The following SSH1 variants were observed in gnomAD, a reference collection of about 807,000 sequenced individuals.
SSH1 encodes the protein slingshot protein phosphatase 1.
A neutral mutation model predicts 79.7 loss-of-function variants in SSH1; 43 were observed. The ratio of observed to expected loss-of-function variants is 0.54; its 90% CI spans 0.42 to 0.70. SSH1 has a LOEUF of 0.70. SSH1 is among the 30% of genes least tolerant of loss of function. The pLI, the probability that SSH1 is intolerant of heterozygous loss-of-function variation, is 0.00. For missense variants in SSH1, 1,206 were observed against 1,358.8 expected, an observed-to-expected ratio of 0.89 and a Z score of 1.77; for synonymous variants, 599 against 538.3, an observed-to-expected ratio of 1.11 and a Z score of -1.56.
intron 2 of SSH1, among the ~76,000 whole-genome samples, chr12:108,836,327 A>C (rs1345903682): frequency 2.6e-5 from 4 of 152,164 alleles, no homozygotes; most frequent in African/African-American, 9.7e-5. Context: ...TGTGGTTAGC[A>C]ACACCCCAAC....
At chr12:108,856,661 G>A (rs987429437) in intron 1 of SSH1, among the ~76,000 whole-genome samples, 4 of 152,186 alleles carry the variant, frequency 2.6e-5, no homozygotes, top group African/African-American at 7.2e-5. Flanking sequence ...AACTCCAGAG[G>A]CGGCAGGCGG....
In SSH1 at chr12:108,781,631, T is replaced by G. The variant is rs1476344643; in HGVS notation, c.*6357A>C. 6.6e-6 allele frequency: 1 copy of G among 152,200 alleles called. No homozygotes were observed. The highest frequency in any genetic ancestry group is 2.4e-5 in the African/African-American group (1 of 41,460). 9.4% of individuals were successfully genotyped at this position (152,200 alleles called of 1,614,324 possible). A position where few individuals can be genotyped will look rare whatever the true frequency, so the allele number is the denominator to read the frequency against. The stretch of plus-strand genomic sequence containing the variant: ...GGTCACGCCCAGGTACTTGTGACAG[T>G]TAGTGCTCACCAAATACATGTGCCC... On this transcript the variant is annotated 3_prime_UTR_variant, in exon 15 of 15. Coordinates refer to ENST00000326495, the MANE Select transcript of SSH1 (RefSeq NM_018984.4).
chr12:108,854,122 T>C lies in SSH1; in HGVS notation c.70-1444A>G, dbSNP rs2039098915. Among the ~76,000 whole-genome samples, 4 of 152,194 alleles carry C rather than the reference T, an allele frequency of 2.6e-5. No homozygotes were observed. The South Asian group carries it at 8.3e-4, about 32-fold the overall frequency. ...GTATGTTGGGGTCTAACCCAGTGGT[T>C]CTCAATGCGGAGCAAGTTCTCTCAA... On this transcript the variant is annotated intron_variant, in intron 1 of 14. Transcript: ENST00000326495.
In SSH1 at chr12:108,818,229, A is replaced by G. The variant is rs982400833; in HGVS notation, c.279+20T>C. The stretch of plus-strand genomic sequence containing the variant: ...AATTAAAAAAAAATTTTTTAACTTG[A>G]CATTCTCACTGCTTCTTACCAGCTT... On this transcript the variant is annotated intron_variant, in intron 4 of 14. Transcript: ENST00000326495. 1 of 1,612,402 alleles carries G rather than the reference A, an allele frequency of 6.2e-7. No individual in the cohort carries two copies. The highest frequency in any genetic ancestry group is 1.3e-5 in the African/African-American group (1 of 74,892).
intron 2 of SSH1, among the ~76,000 whole-genome samples, chr12:108,842,490 G>C (rs1262492936): frequency 6.6e-6 from 1 of 152,208 alleles, no homozygotes; most frequent in African/African-American, 2.4e-5. Context: ...AAAGTTCCAA[G>C]CCCAGAGCCT....
In SSH1 at chr12:108,789,005, A is replaced by G; in HGVS notation, c.2133T>C (p.Pro711=). 1.2e-6 allele frequency: 2 copies of G among 1,608,164 alleles called. No homozygotes were observed. The highest frequency in any genetic ancestry group is 1.7e-6 in the Non-Finnish European group (2 of 1,176,582). The change falls in exon 15 of 15, where the codon CCT becomes CCC. Residue 711 remains proline, a synonymous_variant. Coordinates refer to ENST00000326495, the MANE Select transcript of SSH1 (RefSeq NM_018984.4). ...AGCCTGCTGGTGGTAGGAACGGGGG[A>G]GGTTCGGTTGGGCCAGAGGCTGGCT... ...PEKPASGPTE[P]PPFLPPAGSR...
At chr12:108,837,641 A>G (rs1369803765) in intron 2 of SSH1, among the ~76,000 whole-genome samples, 2 of 152,230 alleles carry the variant, frequency 1.3e-5, no homozygotes, top group African/African-American at 2.4e-5. Context: ...AGTATTTTAC[A>G]TATTTATGGA....
intron 13 of SSH1, among the ~76,000 whole-genome samples, chr12:108,797,674 C>T (rs1035727070): frequency 3.9e-5 from 6 of 152,150 alleles, no homozygotes; most frequent in South Asian, 2.1e-4. Flanking sequence ...GGAGGCTGGA[C>T]GAGGCAGAGA....
chr12:108,789,161 C>T lies in SSH1; in HGVS notation c.1977G>A (p.Gly659=). 6.2e-7 allele frequency: 1 copy of T among 1,612,596 alleles called. No individual in the cohort carries two copies. The highest frequency in any genetic ancestry group is 1.1e-5 in the South Asian group (1 of 90,880). ...ATCGCTCCCTGGAGGCCTCAGGAGC[C>T]CCGCTGGCTGTAGGGTACATGCAGT... The part of the protein sequence containing the change: ...CADCMYPTAS[G]APEASRERCE... The change falls in exon 15 of 15, where the codon GGG becomes GGA. Residue 659 remains glycine (G), a synonymous_variant. Transcript: ENST00000326495.
At position 108,792,389 on chromosome 12, in the gene SSH1, C is replaced by T. The variant is rs1360301945; in HGVS notation, c.1790G>A (p.Gly597Glu). ...TGGAAGCTGCCCCCACCTCCCTGCT[C>T]CCAGGCCCTCCTCCCTTTCCGTCTC... is the stretch of plus-strand genomic sequence containing the variant. ...VEETEREEGL[G>E]AGRWGQLPTQ... Residue 597 changes from glycine (G) to glutamate (E), a missense_variant, in exon 14 of 15, where the codon GGA becomes GAA. Gly to Glu is a moderately conservative substitution (Grantham distance 98). Around this residue, in one of 5 missense-constraint regions of SSH1, gnomAD observed 709 missense variants for 730.6 expected, o/e 0.97. Transcript: ENST00000326495. 1 of 1,614,212 alleles carries T rather than the reference C, an allele frequency of 6.2e-7. No individual in the cohort carries two copies. The highest frequency in any genetic ancestry group is 1.1e-5 in the South Asian group (1 of 91,078).
At chr12:108,839,652 T>C (rs1286028653) in intron 2 of SSH1, among the ~76,000 whole-genome samples, 1 of 151,546 alleles carries the variant, frequency 6.6e-6, no homozygotes, top group African/African-American at 2.4e-5. Flanking sequence ...AAAGTCTTTC[T>C]AAAAATAGCT....
At chr12:108,835,953 AATCG>A (rs1430358709) in intron 2 of SSH1, among the ~76,000 whole-genome samples, 3 of 139,702 alleles carry the variant, frequency 2.1e-5, no homozygotes, top group African/African-American at 8.0e-5. Context: ...ATATTAATAT[AATCG>A]ATTATAACTA....
At chr12:108,824,999 T>C (rs970632501) in intron 2 of SSH1, among the ~76,000 whole-genome samples, 18 of 152,214 alleles carry the variant, frequency 1.2e-4, no homozygotes, top group Non-Finnish European at 2.2e-4. Context: ...ATATTAAACA[T>C]ATATTAACCT....
At chr12:108,828,986 A>C (rs549765292) in intron 2 of SSH1, among the ~76,000 whole-genome samples, 1 of 152,310 alleles carries the variant, frequency 6.6e-6, no homozygotes, top group Non-Finnish European at 1.5e-5. Flanking sequence ...TAGAATCACC[A>C]GGGATAGCAT....
intron 5 of SSH1, among the ~76,000 whole-genome samples, chr12:108,811,970 G>C (rs2037629760): frequency 6.6e-6 from 1 of 152,166 alleles, no homozygotes; most frequent in Admixed American, 6.5e-5. Flanking sequence ...CCAGCTCTGT[G>C]GACCTCAGGA....
At chr12:108,800,642 G>T in intron 12 of SSH1, 138 bp downstream of exon 12, 1 of 1,018,176 alleles carries the variant, frequency 9.8e-7, no homozygotes, top group Non-Finnish European at 1.5e-6. Context: ...ACTCCCACCA[G>T]CCAACTCCTG....
Position 108,792,616 on chromosome 12 carries a change from G to A in SSH1, c.1563C>T (p.Ser521=), listed in dbSNP as rs2036558166. The part of the protein sequence containing the change: ...FRRLSDPLLP[S]PEDETGSLVH... ...CCAAGCTGCCAGTTTCATCCTCAGG[G>A]GAAGGCAGAAGGGGGTCTGAGAGTC... Residue 521 remains serine (S), a synonymous_variant, in exon 14 of 15, where the codon TCC becomes TCT. Coordinates refer to ENST00000326495, the MANE Select transcript of SSH1 (RefSeq NM_018984.4). 2 of 1,612,476 alleles carry A rather than the reference G, an allele frequency of 1.2e-6. No homozygotes were observed. Among genetic ancestry groups the A allele is most frequent in the East Asian group, 2.2e-5 (1 of 44,860 alleles).
chr12:108,832,034 TAG>T (rs1566010523), intron 2 of SSH1, among the ~76,000 whole-genome samples: 1 of 152,208 alleles, frequency 6.6e-6, no homozygotes, highest in African/African-American at 2.4e-5. Context: ...TTTCTAGTTA[TAG>T]AGAGTTTGTC....
intron 1 of SSH1, among the ~76,000 whole-genome samples, chr12:108,856,235 G>A (rs542018877): frequency 1.3e-5 from 2 of 152,346 alleles, no homozygotes; most frequent in African/African-American, 4.8e-5. Flanking sequence ...AGAGATGGTG[G>A]GCAAGATTGC....
Sources: gnomAD v4.1 joint callset for allele counts (sites outside exome capture counted in the v4.1 genomes callset) on GRCh38, gnomAD v4.1.1 for gene constraint, gnomAD v4.1.1 regional missense constraint, MANE v1.5 for transcripts, NCBI Gene and HGNC (gene_info 2026-07-23, HGNC 2026-07-21) for gene names.